The following RPS6KA5 variants were observed in gnomAD, a reference collection of about 807,000 sequenced individuals.
RPS6KA5 encodes the protein ribosomal protein S6 kinase A5.
In RPS6KA5, 27 loss-of-function variants were observed where a neutral mutation model predicts 85.5. The ratio of observed to expected loss-of-function variants is 0.32; its 90% CI spans 0.23 to 0.44. RPS6KA5 has a LOEUF of 0.44. Among genes scored for constraint, RPS6KA5 ranks in the 20% least tolerant of loss-of-function variants. The pLI is 1.00. For missense variants in RPS6KA5, 811 were observed against 980.9 expected (o/e 0.83, Z 2.31); for synonymous variants, 334 against 348.2 (o/e 0.96, Z 0.46).
intron 13 of RPS6KA5, among the ~76,000 whole-genome samples, chr14:90,890,981 C>T (rs1265296643): frequency 6.6e-6 from 1 of 151,992 alleles, no homozygotes; most frequent in Non-Finnish European, 1.5e-5. Context: ...GCCAACCTAC[C>T]TCCCCCCATC....
At chr14:91,056,520 G>T (rs971356708) in intron 1 of RPS6KA5, among the ~76,000 whole-genome samples, 5 of 152,174 alleles carry the variant, frequency 3.3e-5, no homozygotes, top group African/African-American at 1.2e-4. Context: ...TGGCACAGTA[G>T]TGGGGAAGAA....
chr14:90,971,109 G>A (rs1314460137), intron 3 of RPS6KA5, among the ~76,000 whole-genome samples: 1 of 152,064 alleles, frequency 6.6e-6, no homozygotes, highest in African/African-American at 2.4e-5. Flanking sequence ...CCGATGCCAG[G>A]AGTTCAAGAC....
intron 3 of RPS6KA5, among the ~76,000 whole-genome samples, chr14:90,960,047 T>C (rs1334046030): frequency 1.3e-5 from 2 of 152,178 alleles, no homozygotes; most frequent in East Asian, 1.9e-4. Flanking sequence ...CTCTCAGCGT[T>C]TGGATTAGTT....
rs543467437 is a variant in RPS6KA5, at chr14:90,906,614, C to T, written c.807-315G>A. On this transcript the variant is annotated intron_variant, in intron 7 of 16. Transcript: ENST00000614987. ...AAAAGCCTGGGGCTAGATTAGACCT[C>T]TCGTATATAGACTAGACTCTATGAT... Among the ~76,000 whole-genome samples the T allele has an allele frequency of 4.3e-4, 65 of 152,204 alleles. 2 individuals are homozygous for T. The East Asian group carries it at 9.7e-3, about 23-fold the overall frequency.
chr14:91,029,860 A>G (rs115614130), intron 1 of RPS6KA5, among the ~76,000 whole-genome samples: 2,290 of 152,268 alleles, frequency 0.015, 53 homozygotes, highest in African/African-American at 0.052. Flanking sequence ...TCACTTATTG[A>G]CTTCCAATTT....
At chr14:90,917,865 A>G (rs1002097287) in intron 7 of RPS6KA5, among the ~76,000 whole-genome samples, 6 of 152,224 alleles carry the variant, frequency 3.9e-5, no homozygotes, top group Non-Finnish European at 7.3e-5. Flanking sequence ...TGTCTTAGAT[A>G]AATTCCTTTT....
chr14:90,909,835 A>G (rs1208614680), intron 7 of RPS6KA5, among the ~76,000 whole-genome samples: 5 of 152,184 alleles, frequency 3.3e-5, no homozygotes, highest in Non-Finnish European at 7.3e-5. Flanking sequence ...CTCTGTTGCC[A>G]GGTTGGAGTG....
intron 7 of RPS6KA5, among the ~76,000 whole-genome samples, chr14:90,914,306 A>AG (rs199557293): frequency 0.038 from 3,507 of 92,336 alleles, 313 homozygotes; most frequent in African/African-American, 0.13. Context: ...AATGATCCCT[A>AG]GGGTTTTTTT....
rs148618662 is a variant in RPS6KA5, at chr14:90,943,136, G to C, written c.560C>G (p.Ser187Cys). The C allele has an allele frequency of 3.7e-6, 6 of 1,612,098 alleles. No individual in the cohort carries two copies. Among genetic ancestry groups the C allele is most frequent in the Non-Finnish European group, 5.1e-6 (6 of 1,178,624 alleles). ...DIKLENILLD[S>C]NGHVVLTDFG... ...ATCTGTCAGCACCACATGGCCATTAGAATCAAGTAGAATATTCTCAAGCTT... is the reference window on the plus strand; with the variant it reads ...ATCTGTCAGCACCACATGGCCATTACAATCAAGTAGAATATTCTCAAGCTT... Residue 187 changes from serine (S) to cysteine (C), a missense_variant, in exon 5 of 17, where the codon TCT becomes TGT. By Grantham distance (112) the Ser-to-Cys change is moderately radical (BLOSUM62 -1). Coordinates refer to ENST00000614987, the MANE Select transcript of RPS6KA5 (RefSeq NM_004755.4).
intron 14 of RPS6KA5, among the ~76,000 whole-genome samples, chr14:90,890,037 T>C (rs923726045): frequency 6.6e-6 from 1 of 152,232 alleles, no homozygotes. Context: ...CACATTACTT[T>C]AAGTTACGTA....
intron 6 of RPS6KA5, among the ~76,000 whole-genome samples, chr14:90,922,482 C>T (rs1441440005): frequency 6.6e-6 from 1 of 152,204 alleles, no homozygotes; most frequent in African/African-American, 2.4e-5. Flanking sequence ...TTGTCTCACT[C>T]TTGCTGCCCA....
At chr14:90,925,913 G>A (rs538000843) in intron 5 of RPS6KA5, among the ~76,000 whole-genome samples, 1 of 123,566 alleles carries the variant, frequency 8.1e-6, no homozygotes, top group Admixed American at 9.9e-5. Flanking sequence ...CTGCACTCCA[G>A]CCTCGGTGAT....
At chr14:90,903,276 C>T (rs2035287728) in intron 8 of RPS6KA5, among the ~76,000 whole-genome samples, 3 of 152,086 alleles carry the variant, frequency 2.0e-5, no homozygotes, top group Non-Finnish European at 4.4e-5. Context: ...TGAGCCTCCT[C>T]AGAAAGGTGT....
chr14:90,955,902 C>A (rs530459394), intron 3 of RPS6KA5, among the ~76,000 whole-genome samples: 1 of 152,066 alleles, frequency 6.6e-6, no homozygotes, highest in African/African-American at 2.4e-5. Flanking sequence ...GGTACATCCA[C>A]GTTAGGCTCT....
chr14:91,020,775 T>G (rs1434910195), intron 1 of RPS6KA5, among the ~76,000 whole-genome samples: 3 of 152,068 alleles, frequency 2.0e-5, no homozygotes, highest in African/African-American at 7.2e-5. Flanking sequence ...TAATCAGATA[T>G]TGCCTTTATT....
At chr14:90,977,612 G>A (rs984092673) in intron 3 of RPS6KA5, among the ~76,000 whole-genome samples, 4 of 152,020 alleles carry the variant, frequency 2.6e-5, no homozygotes, top group African/African-American at 9.7e-5. Context: ...TTCCATGAAC[G>A]TCCGTCCCCT....
chr14:90,965,792 C>T (rs1217685112), intron 3 of RPS6KA5, among the ~76,000 whole-genome samples: 1 of 151,998 alleles, frequency 6.6e-6, no homozygotes, highest in Non-Finnish European at 1.5e-5. Context: ...GCAAGCAATG[C>T]CAGTGTGCCA....
intron 3 of RPS6KA5, among the ~76,000 whole-genome samples, chr14:90,969,960 C>A (rs117558701): frequency 1.3e-5 from 2 of 152,080 alleles, no homozygotes; most frequent in African/African-American, 2.4e-5. Context: ...AACTCCCATA[C>A]CTCCTGTTCT....
At chr14:90,912,776 C>T (rs1490982647) in intron 7 of RPS6KA5, among the ~76,000 whole-genome samples, 1 of 152,050 alleles carries the variant, frequency 6.6e-6, no homozygotes, top group East Asian at 1.9e-4. Flanking sequence ...TGGCTGGTAT[C>T]CTTATCTGCT....
Sources: allele counts gnomAD v4.1 joint callset (sites outside exome capture counted in the v4.1 genomes callset), GRCh38; gene constraint gnomAD v4.1.1; transcripts MANE v1.5; gene names NCBI Gene and HGNC (gene_info 2026-07-23, HGNC 2026-07-21).